The following AGO1 variants were observed in gnomAD, a reference collection of about 807,000 sequenced individuals.
AGO1 encodes the protein protein argonaute-1.
A neutral mutation model predicts 109.2 loss-of-function variants in AGO1; 11 were observed. The ratio of observed to expected loss-of-function variants is 0.10; its 90% CI spans 0.06 to 0.17. The LOEUF is 0.17. Ranked by LOEUF, AGO1 falls within the 10% of genes least tolerant of loss-of-function variation. The pLI is 1.00. For missense variants in AGO1, 574 were observed against 1,140.3 expected (o/e 0.50, Z 7.15); for synonymous variants, 422 against 418.6 (o/e 1.01, Z -0.10).
intron 11 of AGO1, among the ~76,000 whole-genome samples, chr1:35,904,816 G>T (rs1293273136): frequency 6.6e-6 from 1 of 152,196 alleles, no homozygotes; most frequent in East Asian, 1.9e-4. Context: ...ATAACTCAGA[G>T]AAACTGGAAA....
Position 35,888,422 on chromosome 1 carries a change from T to C in AGO1, c.26-5T>C, listed in dbSNP as rs1184193707. ...TTTACCCTCACCAGCCTCTTTGTCTTGTAGCTGCGGGCGCTTACCTGCCCC... is the reference window on the plus strand; with the variant it reads ...TTTACCCTCACCAGCCTCTTTGTCTCGTAGCTGCGGGCGCTTACCTGCCCC... On this transcript the variant is annotated splice_region_variant and splice_polypyrimidine_tract_variant and intron_variant, in intron 1 of 18. Transcript: ENST00000373204. The surrounding 1 kb of genome is among the most constrained non-coding windows in gnomAD (Gnocchi z 4.1). 6.2e-7 allele frequency: 1 copy of C among 1,613,796 alleles called. No individual in the cohort carries two copies. The highest frequency in any genetic ancestry group is 1.1e-5 in the South Asian group (1 of 91,060).
chr1:35,885,101 T>C (rs1008531225), intron 1 of AGO1, among the ~76,000 whole-genome samples: 11 of 151,968 alleles, frequency 7.2e-5, no homozygotes, highest in African/African-American at 2.4e-4. Context: ...ACCAGCCTTG[T>C]ATAGACTGTG....
intron 1 of AGO1, among the ~76,000 whole-genome samples, chr1:35,885,785 G>A (rs925824708): frequency 2.0e-5 from 3 of 152,222 alleles, no homozygotes; most frequent in Non-Finnish European, 4.4e-5. Context: ...ACTAGCAAGT[G>A]CCTAGTGTAT....
At chr1:35,900,563 A>G (rs191024558) in intron 8 of AGO1, among the ~76,000 whole-genome samples, 271 of 152,226 alleles carry the variant, frequency 1.8e-3, no homozygotes, top group Non-Finnish European at 2.8e-3. Flanking sequence ...CCCCATCTCT[A>G]TTAAAAATAC....
chr1:35,871,239 A>G (rs1229360228), intron 1 of AGO1, among the ~76,000 whole-genome samples: 1 of 151,966 alleles, frequency 6.6e-6, no homozygotes, highest in African/African-American at 2.4e-5. Flanking sequence ...TGGTCTTTGT[A>G]TTTTCCTTAT....
intron 12 of AGO1, among the ~76,000 whole-genome samples, chr1:35,908,158 C>T (rs1571366112): frequency 6.6e-6 from 1 of 152,220 alleles, no homozygotes; most frequent in African/African-American, 2.4e-5. Context: ...CCCTATACCT[C>T]ACCAGCCACT....
Position 35,893,912 on chromosome 1 carries a change from C to T in AGO1, c.649+102C>T. 1 of 1,533,848 alleles carries T rather than the reference C, an allele frequency of 6.5e-7. No individual in the cohort carries two copies. Among genetic ancestry groups the T allele is most frequent in the Non-Finnish European group, 8.8e-7 (1 of 1,135,776 alleles). The stretch of plus-strand genomic sequence containing the variant: ...TGCAACCACACTCCTAGTCTAATTC[C>T]TACAGCCCTGGCACCCCCTTCCCCC... On this transcript the variant is annotated intron_variant, in intron 5 of 18. Coordinates refer to ENST00000373204, the MANE Select transcript of AGO1 (RefSeq NM_012199.5). The surrounding 1 kb of genome is among the most constrained non-coding windows in gnomAD (Gnocchi z 5.6).
chr1:35,883,282 G>T lies in AGO1; in HGVS notation c.-140G>T. On this transcript the variant is annotated 5_prime_UTR_variant, in exon 1 of 19. Transcript: ENST00000373204. This position sits in a 1 kb window ranked among gnomAD's most constrained non-coding sequence, Gnocchi z 5.4. Reference sequence around the variant, plus strand: ...GGCGGCGGCAACGGAGGCTGCGGGGGCGGCGGCGCGAGCGGCCGGGCTTGG... The same window carrying T: ...GGCGGCGGCAACGGAGGCTGCGGGGTCGGCGGCGCGAGCGGCCGGGCTTGG... The T allele has an allele frequency of 6.4e-6, 9 of 1,410,290 alleles. No individual in the cohort carries two copies. Among genetic ancestry groups the T allele is most frequent in the Non-Finnish European group, 7.4e-6 (8 of 1,082,578 alleles). 87.4% of individuals were successfully genotyped at this position (1,410,290 alleles called of 1,614,324 possible).
chr1:35,893,077 T>C lies in AGO1; in HGVS notation c.331-20T>C. The C allele has an allele frequency of 1.2e-6, 2 of 1,610,780 alleles. No homozygotes were observed. Among genetic ancestry groups the C allele is most frequent in the Non-Finnish European group, 1.7e-6 (2 of 1,177,904 alleles). The stretch of plus-strand genomic sequence containing the variant: ...CAGAGCAATGGCAATCCTTCATCCC[T>C]TTCTTTCACCCTCCTGAAGGTCGAC... On this transcript the variant is annotated intron_variant, in intron 3 of 18. Coordinates refer to ENST00000373204, the MANE Select transcript of AGO1 (RefSeq NM_012199.5). The surrounding 1 kb of genome is among the most constrained non-coding windows in gnomAD (Gnocchi z 5.6).
chr1:35,918,268 C>T (rs755238400), intron 16 of AGO1, 54 bp from the exon 17 acceptor site: 128 of 1,414,888 alleles, frequency 9.0e-5, no homozygotes, highest in Non-Finnish European at 1.3e-4. Context: ...GAGCCAGGGT[C>T]CTGGTTAGGG....
upstream of AGO1, among the ~76,000 whole-genome samples, chr1:35,879,734 CAAAAAA>C (rs71034705): frequency 1.6e-3 from 92 of 57,498 alleles, no homozygotes; most frequent in Middle Eastern, 0.019. Flanking sequence ...GGTTCTGTCT[CAAAAAA>C]AAAAAAAAAA....
chr1:35,917,545 G>T (rs751194080), intron 15 of AGO1, 48 bp from the exon 16 acceptor site: 1 of 1,587,262 alleles, frequency 6.3e-7, no homozygotes. Context: ...GTGAACTCAA[G>T]AGGAACTGTG....
rs1645075640 is a variant in AGO1, at chr1:35,883,968, T to A, written c.25+522T>A. On this transcript the variant is annotated intron_variant, in intron 1 of 18. Transcript: ENST00000373204. The surrounding 1 kb of genome is among the most constrained non-coding windows in gnomAD (Gnocchi z 5.4). Reference sequence around the variant, plus strand: ...GGTGGGTGGGGACCCAGTCCCGGGATTACCCCCCGTGGGTCTGGGGAGTCG... The same window carrying A: ...GGTGGGTGGGGACCCAGTCCCGGGAATACCCCCCGTGGGTCTGGGGAGTCG... Among the ~76,000 whole-genome samples, 1 of 152,140 alleles carries A rather than the reference T, an allele frequency of 6.6e-6. No homozygotes were observed. Among genetic ancestry groups the A allele is most frequent in the African/African-American group, 2.4e-5 (1 of 41,452 alleles).
chr1:35,905,670 C>G (rs942650792), intron 11 of AGO1, among the ~76,000 whole-genome samples: 8 of 152,058 alleles, frequency 5.3e-5, no homozygotes, highest in African/African-American at 9.7e-5. Context: ...AGGGTTTCAT[C>G]AGGTTGGCCA....
rs1392008923 is a variant in AGO1, at chr1:35,928,312, ACT to A, written c.*8708_*8709del. The A allele has an allele frequency of 7.9e-5, 12 of 152,100 alleles. No homozygotes were observed. The highest frequency in any genetic ancestry group is 2.9e-4 in the African/African-American group (12 of 41,370). The allele number at this position is 152,100 out of a possible 1,614,324, so 9.4% of individuals were successfully genotyped here. ...TTTGTTGTTTTTGAGACAGTGTCTC[ACT>A]CTGTCACCCAGGCTGGAGTGCAGTC... On this transcript the variant is annotated 3_prime_UTR_variant, in exon 19 of 19. Coordinates refer to ENST00000373204, the MANE Select transcript of AGO1 (RefSeq NM_012199.5).
intron 12 of AGO1, among the ~76,000 whole-genome samples, chr1:35,908,615 C>T (rs1268461971): frequency 2.0e-5 from 3 of 152,168 alleles, no homozygotes; most frequent in Non-Finnish European, 4.4e-5. Context: ...GTTGGACCAT[C>T]TCTTCAGTAG....
Position 35,883,864 on chromosome 1 carries a change from G to A in AGO1, c.25+418G>A, listed in dbSNP as rs1645073010. Among the ~76,000 whole-genome samples the A allele has an allele frequency of 1.3e-5, 2 of 152,224 alleles. No homozygotes were observed. Among genetic ancestry groups the A allele is most frequent in the Admixed American group, 1.3e-4 (2 of 15,288 alleles). On this transcript the variant is annotated intron_variant, in intron 1 of 18. Coordinates refer to ENST00000373204, the MANE Select transcript of AGO1 (RefSeq NM_012199.5). The surrounding 1 kb of genome is among the most constrained non-coding windows in gnomAD (Gnocchi z 5.4). ...CTCCGCTGGGCTGGAATAGGCTAAT[G>A]TCTCTTGGGAGAAGGCGCCAGAGCT...
chr1:35,893,625 G>C lies in AGO1; in HGVS notation c.513-49G>C. The C allele has an allele frequency of 6.4e-7, 1 of 1,561,158 alleles. No individual in the cohort carries two copies. Among genetic ancestry groups the C allele is most frequent in the Non-Finnish European group, 8.7e-7 (1 of 1,149,892 alleles). On this transcript the variant is annotated intron_variant, in intron 4 of 18. Transcript: ENST00000373204. The surrounding 1 kb of genome is among the most constrained non-coding windows in gnomAD (Gnocchi z 5.6). ...TCCTCCGTGCCCAGGATGCCTCACA[G>C]GGTGGGGGCCTGTGCCCGAGGGACC...
At chr1:35,896,650 G>T (rs1243707195) in intron 8 of AGO1, among the ~76,000 whole-genome samples, 1 of 152,084 alleles carries the variant, frequency 6.6e-6, no homozygotes, top group African/African-American at 2.4e-5. Context: ...GAGCTGCCAC[G>T]CCTGGCCTAC....
Sources: allele counts gnomAD v4.1 joint callset (sites outside exome capture counted in the v4.1 genomes callset), GRCh38; gene constraint gnomAD v4.1.1; non-coding constraint Gnocchi (gnomAD v3.1); transcripts MANE v1.5; gene names NCBI Gene and HGNC (gene_info 2026-07-23, HGNC 2026-07-21).